KIRREL3: variants seen among roughly 807,000 people sequenced by gnomAD.
KIRREL3 encodes kirre like nephrin family adhesion molecule 3.
A neutral mutation model predicts 89.7 loss-of-function variants in KIRREL3; 36 were observed. The ratio of observed to expected loss-of-function variants is 0.40; its 90% CI spans 0.31 to 0.53. The LOEUF is 0.53. KIRREL3 is among the 20% of genes least tolerant of loss of function. The pLI, the probability that KIRREL3 is intolerant of heterozygous loss-of-function variation, is 0.49. For synonymous variants in KIRREL3, 445 were observed against 441.4 expected, an observed-to-expected ratio of 1.01 and a Z score of -0.10; for missense variants, 864 against 1,056.6, an observed-to-expected ratio of 0.82 and a Z score of 2.53.
At chr11:126,549,289 T>C (rs1939068202) in intron 2 of KIRREL3, 1 of 152,190 alleles carries the variant, frequency 6.6e-6, no homozygotes, top group South Asian at 2.1e-4. Flanking sequence ...ACAGTTTCCA[T>C]AGAAACGAAT....
rs917160901 is a variant in KIRREL3 at position 126,424,379 on chromosome 11, G to A, written c.*201C>T. ...GCAGCCTCTGTCTGTCTCCCCACCC[G>A]CCCACCTCTGGCACACAGCACCTGG... On this transcript the variant is annotated 3_prime_UTR_variant, in exon 17 of 17. Coordinates refer to ENST00000525144, the MANE Select transcript of KIRREL3 (RefSeq NM_032531.4). 11 of 388,344 alleles carry A rather than the reference G, an allele frequency of 2.8e-5. No homozygotes were observed. Among genetic ancestry groups the A allele is most frequent in the East Asian group, 1.2e-4 (2 of 16,022 alleles). 24.1% of individuals were successfully genotyped at this position (388,344 alleles called of 1,614,324 possible). A position where few individuals can be genotyped will look rare whatever the true frequency, so the allele number is the denominator to read the frequency against.
Position 126,530,073 on chromosome 11 carries a change from C to T in KIRREL3, c.134-3386G>A, listed in dbSNP as rs148480504. Among the ~76,000 whole-genome samples, 1,022 of 151,944 alleles carry T rather than the reference C, an allele frequency of 6.7e-3. 3 individuals carry two copies. The highest frequency in any genetic ancestry group is 0.024 in the Middle Eastern group (7 of 294). On this transcript the variant is annotated intron_variant, in intron 2 of 16. Transcript: ENST00000525144. This position sits in a 1 kb window ranked among gnomAD's most constrained non-coding sequence, Gnocchi z 5.8. ...GATGTAAGTTATTGCCAGAAGAATG[C>T]TCCTCACCCACCCACTCTTTCTTTT...
chr11:126,916,652 C>G (rs1037064178), intron 1 of KIRREL3, among the ~76,000 whole-genome samples: 11 of 152,246 alleles, frequency 7.2e-5, no homozygotes, highest in African/African-American at 2.6e-4. Flanking sequence ...AAACAAAAAA[C>G]CTGCTAATGT....
chr11:126,558,753 T>G lies in KIRREL3; in HGVS notation c.133+4082A>C, dbSNP rs1939888490. Among the ~76,000 whole-genome samples the G allele has an allele frequency of 6.6e-6, 1 of 151,998 alleles. No individual in the cohort carries two copies. Among genetic ancestry groups the G allele is most frequent in the Non-Finnish European group, 1.5e-5 (1 of 67,958 alleles). On this transcript the variant is annotated intron_variant, in intron 2 of 16. Transcript: ENST00000525144. This position sits in a 1 kb window ranked among gnomAD's most constrained non-coding sequence, Gnocchi z 4.0. Reference sequence around the variant, plus strand: ...ATGTGCTTTGAGAAGGTGAGTGGTCTGGATCTCCAGGAGAGAGAGGTCATA... The same window carrying G: ...ATGTGCTTTGAGAAGGTGAGTGGTCGGGATCTCCAGGAGAGAGAGGTCATA...
At position 126,568,502 on chromosome 11, in the gene KIRREL3, C is replaced by A. The variant is rs994922399; in HGVS notation, c.56-5590G>T. On this transcript the variant is annotated intron_variant, in intron 1 of 16. Coordinates refer to ENST00000525144, the MANE Select transcript of KIRREL3 (RefSeq NM_032531.4). This position sits in a 1 kb window ranked among gnomAD's most constrained non-coding sequence, Gnocchi z 4.6. ...CAGGGGAGGGGCTGAAAAAATAGCTCCCATTCCCCAGACAGTGCCTGAGAT... is the reference window on the plus strand; with the variant it reads ...CAGGGGAGGGGCTGAAAAAATAGCTACCATTCCCCAGACAGTGCCTGAGAT... Among the ~76,000 whole-genome samples the A allele has an allele frequency of 4.6e-5, 7 of 152,164 alleles. No individual in the cohort carries two copies. The highest frequency in any genetic ancestry group is 1.7e-4 in the African/African-American group (7 of 41,430).
intron 1 of KIRREL3, among the ~76,000 whole-genome samples, chr11:126,746,689 G>A (rs1177155642): frequency 1.3e-5 from 2 of 152,128 alleles, no homozygotes; most frequent in Non-Finnish European, 2.9e-5. Flanking sequence ...GTATCTCTAT[G>A]AAAGTTCTGA....
chr11:126,930,179 C>T (rs183436093), intron 1 of KIRREL3, among the ~76,000 whole-genome samples: 1 of 151,876 alleles, frequency 6.6e-6, no homozygotes, highest in Admixed American at 6.6e-5. Context: ...TAACAGTGAC[C>T]TAATTTGCTT....
chr11:126,737,425 G>C (rs578207331), intron 1 of KIRREL3, among the ~76,000 whole-genome samples: 109 of 152,268 alleles, frequency 7.2e-4, no homozygotes, highest in African/African-American at 2.6e-3. Flanking sequence ...CACTGCCCGG[G>C]CAGTCTCCAC....
rs375283312 is a variant in KIRREL3 at position 126,750,806 on chromosome 11, T to G, written c.56-187894A>C. Among the ~76,000 whole-genome samples the G allele has an allele frequency of 1.0e-3, 153 of 152,320 alleles. 1 individual carries two copies. The South Asian group carries it at 0.029, about 29-fold the overall frequency. On this transcript the variant is annotated intron_variant, in intron 1 of 16. Transcript: ENST00000525144. The surrounding 1 kb of genome is among the most constrained non-coding windows in gnomAD (Gnocchi z 4.2). ...CAAATGGTAGTGCAAACGTTGGAAC[T>G]CAGGTCCTCAGTGACTGATGCTCAT...
At position 126,669,315 on chromosome 11, in the gene KIRREL3, T is replaced by A. The variant is rs1442896855; in HGVS notation, c.56-106403A>T. Among the ~76,000 whole-genome samples, 1 of 152,160 alleles carries A rather than the reference T, an allele frequency of 6.6e-6. No individual in the cohort carries two copies. Among genetic ancestry groups the A allele is most frequent in the African/African-American group, 2.4e-5 (1 of 41,430 alleles). On this transcript the variant is annotated intron_variant, in intron 1 of 16. Transcript: ENST00000525144. The surrounding 1 kb of genome is among the most constrained non-coding windows in gnomAD (Gnocchi z 5.0). ...TTTCCTTCAGCGTATTTCAAACACG[T>A]GCAAGATCTTCCTCCTTCCCTGAGA...
chr11:126,638,291 GA>G (rs1213370718), intron 1 of KIRREL3, among the ~76,000 whole-genome samples: 1 of 152,182 alleles, frequency 6.6e-6, no homozygotes, highest in Non-Finnish European at 1.5e-5. Flanking sequence ...TGTTCTTAAA[GA>G]ATCTAAATCT....
rs560173234 is a variant in KIRREL3, at chr11:126,561,533, C to T, written c.133+1302G>A. Among the ~76,000 whole-genome samples, 1 of 152,286 alleles carries T rather than the reference C, an allele frequency of 6.6e-6. No homozygotes were observed. The highest frequency in any genetic ancestry group is 1.9e-4 in the East Asian group (1 of 5,186). On this transcript the variant is annotated intron_variant, in intron 2 of 16. Coordinates refer to ENST00000525144, the MANE Select transcript of KIRREL3 (RefSeq NM_032531.4). The surrounding 1 kb of genome is among the most constrained non-coding windows in gnomAD (Gnocchi z 4.5). ...CCACAAATTAGAAGTTACTGCCTAG[C>T]AGTCTTGTCAAGGCAGTGGTGTTGG...
Position 126,566,316 on chromosome 11 carries a change from A to C in KIRREL3, c.56-3404T>G, listed in dbSNP as rs1191118392. Among the ~76,000 whole-genome samples the C allele has an allele frequency of 1.3e-5, 2 of 152,198 alleles. No individual in the cohort carries two copies. The highest frequency in any genetic ancestry group is 4.8e-5 in the African/African-American group (2 of 41,430). On this transcript the variant is annotated intron_variant, in intron 1 of 16. Transcript: ENST00000525144. The surrounding 1 kb of genome is among the most constrained non-coding windows in gnomAD (Gnocchi z 4.9). ...GAGTAGGGTATGTTTCTTAGGGAGA[A>C]GATAAGTTTGCACCCTTGGGAACTC...
At position 126,805,686 on chromosome 11, in the gene KIRREL3, T is replaced by C. The variant is rs1592152999; in HGVS notation, c.55+194769A>G. Among the ~76,000 whole-genome samples the C allele has an allele frequency of 6.6e-6, 1 of 152,242 alleles. No homozygotes were observed. The highest frequency in any genetic ancestry group is 1.5e-5 in the Non-Finnish European group (1 of 68,040). On this transcript the variant is annotated intron_variant, in intron 1 of 16. Transcript: ENST00000525144. This position sits in a 1 kb window ranked among gnomAD's most constrained non-coding sequence, Gnocchi z 4.3. ...AAGTATGTAATAGATATTACGTTTT[T>C]ATTTACTACTATGTATGTAAATGAA... is the stretch of plus-strand genomic sequence containing the variant.
intron 1 of KIRREL3, among the ~76,000 whole-genome samples, chr11:126,895,450 T>C (rs1325628459): frequency 9.2e-6 from 1 of 108,180 alleles, no homozygotes; most frequent in Non-Finnish European, 1.9e-5. Flanking sequence ...CACTGTCTCT[T>C]AAAAAAAAAA....
At chr11:126,637,716 A>G (rs1308341868) in intron 1 of KIRREL3, among the ~76,000 whole-genome samples, 2 of 152,228 alleles carry the variant, frequency 1.3e-5, no homozygotes, top group African/African-American at 4.8e-5. Context: ...GGTCACTTAA[A>G]AAAAGATAAA....
At position 126,523,961 on chromosome 11, in the gene KIRREL3, C is replaced by G. The variant is rs574444153; in HGVS notation, c.284-2497G>C. On this transcript the variant is annotated intron_variant, in intron 3 of 16. Coordinates refer to ENST00000525144, the MANE Select transcript of KIRREL3 (RefSeq NM_032531.4). This position sits in a 1 kb window ranked among gnomAD's most constrained non-coding sequence, Gnocchi z 4.9. ...GCTGTGATGCTATCCCAAGGACTGG[C>G]AGCATCTTTGAAAATCAGACTCAGA... 6.6e-6 allele frequency among the ~76,000 whole-genome samples: 1 copy of G among 152,334 alleles called. No homozygotes were observed. The highest frequency in any genetic ancestry group is 6.5e-5 in the Admixed American group (1 of 15,304).
Position 126,734,682 on chromosome 11 carries a change from T to G in KIRREL3, c.56-171770A>C, listed in dbSNP as rs190785972. Among the ~76,000 whole-genome samples, 11 of 152,102 alleles carry G rather than the reference T, an allele frequency of 7.2e-5. No homozygotes were observed. The highest frequency in any genetic ancestry group is 2.7e-4 in the African/African-American group (11 of 41,466). On this transcript the variant is annotated intron_variant, in intron 1 of 16. Coordinates refer to ENST00000525144, the MANE Select transcript of KIRREL3 (RefSeq NM_032531.4). This position sits in a 1 kb window ranked among gnomAD's most constrained non-coding sequence, Gnocchi z 5.9. ...TCTCAAAAGAAAAAAAAAAAGAAAT[T>G]TAGTATTCTATGTACTAGGAATTAC...
chr11:126,825,719 T>C (rs146758397), intron 1 of KIRREL3, among the ~76,000 whole-genome samples: 3 of 152,326 alleles, frequency 2.0e-5, no homozygotes, highest in Admixed American at 1.3e-4. Context: ...TTTGATTCCC[T>C]TGGGTCAAGC....
Sources: gnomAD v4.1 joint callset for allele counts (sites outside exome capture counted in the v4.1 genomes callset) on GRCh38, gnomAD v4.1.1 for gene constraint, Gnocchi (gnomAD v3.1) non-coding constraint, MANE v1.5 for transcripts, NCBI Gene and HGNC (gene_info 2026-07-23, HGNC 2026-07-21) for gene names.